DOCK1: variants seen among roughly 807,000 people sequenced by gnomAD.
DOCK1 encodes dedicator of cytokinesis 1.
Under a neutral mutation model 262.7 loss-of-function variants are expected in DOCK1, and 138 were observed. The ratio of observed to expected loss-of-function variants is 0.53; its 90% CI spans 0.46 to 0.61. The LOEUF (loss-of-function observed/expected upper bound fraction) is 0.61, where lower values mean the gene tolerates loss of function less well. DOCK1 is among the 20% of genes least tolerant of loss of function. DOCK1 has a pLI of 0.00. For synonymous variants in DOCK1, 866 were observed against 867.4 expected (o/e 1.00, Z 0.03); for missense variants, 1,908 against 2,370.7 (o/e 0.80, Z 4.05).
intron 1 of DOCK1, among the ~76,000 whole-genome samples, chr10:126,932,037 C>T (rs36143743): frequency 0.24 from 37,008 of 151,996 alleles, 5,141 homozygotes; most frequent in African/African-American, 0.37. Flanking sequence ...TTGATGGAGA[C>T]GCTGATGACT....
At chr10:127,404,761 C>T (rs1212626505) in intron 40 of DOCK1, among the ~76,000 whole-genome samples, 1 of 148,494 alleles carries the variant, frequency 6.7e-6, no homozygotes, top group African/African-American at 2.5e-5. Context: ...AATACAGTCA[C>T]GTTGTTGTGC....
At chr10:126,968,151 C>T (rs2037817588) in intron 1 of DOCK1, among the ~76,000 whole-genome samples, 1 of 152,076 alleles carries the variant, frequency 6.6e-6, no homozygotes, top group South Asian at 2.1e-4. Flanking sequence ...ATTTCATCAC[C>T]CTCGCAGTGC....
At chr10:127,321,190 C>T (rs889586888) in intron 29 of DOCK1, among the ~76,000 whole-genome samples, 3 of 150,756 alleles carry the variant, frequency 2.0e-5, no homozygotes. Context: ...TCCTTCTCTC[C>T]CTCTCGCTCT....
chr10:127,373,386 G>A (rs2065312503), intron 33 of DOCK1, among the ~76,000 whole-genome samples: 2 of 152,290 alleles, frequency 1.3e-5, no homozygotes, highest in East Asian at 1.9e-4. Context: ...CACTGGCAGG[G>A]GAAACACCAT....
At chr10:126,944,049 G>A (rs1376127326) in intron 1 of DOCK1, among the ~76,000 whole-genome samples, 4 of 151,570 alleles carry the variant, frequency 2.6e-5, no homozygotes, top group Non-Finnish European at 5.9e-5. Context: ...TTTGAAGAAC[G>A]GGAAGGAGAG....
intron 29 of DOCK1, among the ~76,000 whole-genome samples, chr10:127,272,697 G>A (rs1024275192): frequency 6.6e-6 from 1 of 152,186 alleles, no homozygotes; most frequent in African/African-American, 2.4e-5. Context: ...TCACGCTGCT[G>A]ATAAAGACAT....
Position 127,312,185 on chromosome 10 carries a change from C to A in DOCK1, c.3045-26821C>A, listed in dbSNP as rs189768033. Among the ~76,000 whole-genome samples, 200 of 152,312 alleles carry A rather than the reference C, an allele frequency of 1.3e-3. 1 individual carries two copies. Among genetic ancestry groups the A allele is most frequent in the African/African-American group, 4.0e-3 (165 of 41,582 alleles). On this transcript the variant is annotated intron_variant, in intron 29 of 51. Coordinates refer to ENST00000623213, the MANE Select transcript of DOCK1 (RefSeq NM_001290223.2). The stretch of plus-strand genomic sequence containing the variant: ...AGAGCTGCCTAAGGCAGACCCATTA[C>A]TGCCTAAGAAGAAGAGAATTGGGGC...
At chr10:126,939,254 A>T (rs2134238031) in intron 1 of DOCK1, among the ~76,000 whole-genome samples, 1 of 152,310 alleles carries the variant, frequency 6.6e-6, no homozygotes. Context: ...GTCACCCCTC[A>T]AAGTCCCACC....
At chr10:127,319,153 G>C (rs1025152867) in intron 29 of DOCK1, among the ~76,000 whole-genome samples, 1 of 152,202 alleles carries the variant, frequency 6.6e-6, no homozygotes, top group Admixed American at 6.5e-5. Flanking sequence ...GATCACCAAA[G>C]GCGCGTGGTG....
At chr10:127,229,300 C>G (rs2058753229) in intron 27 of DOCK1, among the ~76,000 whole-genome samples, 1 of 152,160 alleles carries the variant, frequency 6.6e-6, no homozygotes, top group Non-Finnish European at 1.5e-5. Flanking sequence ...CAGTATATTG[C>G]TATTAACTGA....
chr10:127,029,293 T>C (rs2043086404), intron 16 of DOCK1, among the ~76,000 whole-genome samples: 1 of 152,170 alleles, frequency 6.6e-6, no homozygotes, highest in South Asian at 2.1e-4. Flanking sequence ...TGCATGCAGA[T>C]ACCTGGGGCA....
chr10:127,017,167 C>T (rs1322927982), intron 12 of DOCK1, among the ~76,000 whole-genome samples: 1 of 131,530 alleles, frequency 7.6e-6, no homozygotes, highest in Admixed American at 8.3e-5. Flanking sequence ...CAAACACACA[C>T]ACACACACAG....
At chr10:127,426,659 G>A (rs1039847491) in intron 47 of DOCK1, among the ~76,000 whole-genome samples, 2 of 152,174 alleles carry the variant, frequency 1.3e-5, no homozygotes, top group African/African-American at 2.4e-5. Context: ...GCAGGCCAGG[G>A]GCCAGTGCAG....
chr10:127,086,439 A>C (rs1435255661), intron 23 of DOCK1, among the ~76,000 whole-genome samples: 2 of 152,246 alleles, frequency 1.3e-5, no homozygotes, highest in Admixed American at 1.3e-4. Flanking sequence ...GTTACCTGGC[A>C]GAATGAATAC....
chr10:127,292,372 C>G (rs1044629730), intron 29 of DOCK1, among the ~76,000 whole-genome samples: 1 of 152,114 alleles, frequency 6.6e-6, no homozygotes, highest in African/African-American at 2.4e-5. Context: ...GGAGCGCTCT[C>G]CACTGGCCAC....
At chr10:126,997,894 A>G (rs2040323838) in intron 7 of DOCK1, 198 bp from the exon 8 acceptor site, 2 of 624,036 alleles carry the variant, frequency 3.2e-6, no homozygotes, top group Non-Finnish European at 5.4e-6. Context: ...CAGCAGTTGC[A>G]CAGGATACAA....
rs9633653 is a variant in DOCK1, at chr10:127,031,005, G to A, written c.1625-645G>A. Reference sequence around the variant, plus strand: ...ATTTTGGCAGAAACTTGAATGAAGCGAGTGAGCCCCACATGCAGATACCTG... The same window carrying A: ...ATTTTGGCAGAAACTTGAATGAAGCAAGTGAGCCCCACATGCAGATACCTG... On this transcript the variant is annotated intron_variant, in intron 16 of 51. Transcript: ENST00000623213. Among the ~76,000 whole-genome samples the A allele has an allele frequency of 8.9e-3, 1,363 of 152,322 alleles. 55 individuals carry two copies. The East Asian group carries it at 0.11, about 13-fold the overall frequency.
chr10:127,147,359 G>A (rs2051979379), intron 27 of DOCK1, among the ~76,000 whole-genome samples: 1 of 152,078 alleles, frequency 6.6e-6, no homozygotes, highest in Admixed American at 6.5e-5. Flanking sequence ...GCTCTAGAGA[G>A]GCCATCCAAA....
Position 127,236,500 on chromosome 10 carries a change from GTTTTTTT to G in DOCK1, c.2848-11489_2848-11483del, listed in dbSNP as rs771387854. 3.0e-4 allele frequency among the ~76,000 whole-genome samples: 20 copies of G among 66,792 alleles called. 1 individual carries two copies. The East Asian group carries it at 9.6e-3, about 32-fold the overall frequency. The allele number at this position is 66,792 out of a possible 152,430, so 43.8% of individuals were successfully genotyped here. On this transcript the variant is annotated intron_variant, in intron 27 of 51. Coordinates refer to ENST00000623213, the MANE Select transcript of DOCK1 (RefSeq NM_001290223.2). ...TGCACATTGATCCTTCTTGACACGG[GTTTTTTT>G]TTTTTTTTTTTTTTTTTTGAAATCA...
Sources: gnomAD v4.1 joint callset for allele counts (sites outside exome capture counted in the v4.1 genomes callset) on GRCh38, gnomAD v4.1.1 for gene constraint, MANE v1.5 for transcripts, NCBI Gene and HGNC (gene_info 2026-07-23, HGNC 2026-07-21) for gene names.